NCKAP5: variants seen among roughly 807,000 people sequenced by gnomAD.
NCKAP5 encodes the protein NCK associated protein 5.
Under a neutral mutation model 167.0 loss-of-function variants are expected in NCKAP5, and 92 were observed. The observed-to-expected ratio is 0.55, with a 90% confidence interval of 0.47 to 0.66. The LOEUF is 0.66. Among genes scored for constraint, NCKAP5 ranks in the 30% least tolerant of loss-of-function variants. The pLI is 0.00. For synonymous variants in NCKAP5, 891 were observed against 877.4 expected, an observed-to-expected ratio of 1.02 and a Z score of -0.27; for missense variants, 2,378 against 2,315.0, an observed-to-expected ratio of 1.03 and a Z score of -0.56.
At position 132,878,925 on chromosome 2, in the gene NCKAP5, A is replaced by G. The variant is rs758470113; in HGVS notation, c.580-9T>C. 2.1e-5 allele frequency: 34 copies of G among 1,608,056 alleles called. No homozygotes were observed. The highest frequency in any genetic ancestry group is 2.9e-5 in the Non-Finnish European group (34 of 1,174,508). On this transcript the variant is annotated splice_polypyrimidine_tract_variant and intron_variant, in intron 8 of 19. Coordinates refer to ENST00000409261, the MANE Select transcript of NCKAP5 (RefSeq NM_207363.3). Reference sequence around the variant, plus strand: ...AACGCTGAATTCTCTGCCTGCAGTAAGATACAAAAATAACACAAATAAATC... The same window carrying G: ...AACGCTGAATTCTCTGCCTGCAGTAGGATACAAAAATAACACAAATAAATC...
intron 5 of NCKAP5, among the ~76,000 whole-genome samples, chr2:133,157,388 C>T (rs1421691253): frequency 6.6e-6 from 1 of 152,146 alleles, no homozygotes; most frequent in East Asian, 1.9e-4. Context: ...TGTGTTCCTA[C>T]CAGAGGGCAT....
At chr2:133,179,808 A>T (rs1433578164) in intron 5 of NCKAP5, among the ~76,000 whole-genome samples, 2 of 151,532 alleles carry the variant, frequency 1.3e-5, no homozygotes, top group Non-Finnish European at 3.0e-5. Context: ...GAGAAATTCA[A>T]CTGAAAAAAA....
intron 16 of NCKAP5, among the ~76,000 whole-genome samples, chr2:132,744,000 T>C (rs534736794): frequency 1.3e-5 from 2 of 151,914 alleles, no homozygotes; most frequent in South Asian, 4.1e-4. Flanking sequence ...ATTATAATCC[T>C]AAATATGTAT....
At position 133,050,541 on chromosome 2, in the gene NCKAP5, T is replaced by C. The variant is rs551915312; in HGVS notation, c.342-56302A>G. 4.5e-4 allele frequency among the ~76,000 whole-genome samples: 68 copies of C among 152,336 alleles called. 1 individual carries two copies. The highest frequency in any genetic ancestry group is 1.6e-3 in the African/African-American group (66 of 41,582). On this transcript the variant is annotated intron_variant, in intron 6 of 19. Transcript: ENST00000409261. ...CATGAAAAGATGATAACACACTTTGTACTAAATCTACTTGGGGAAGGAACA... is the reference window on the plus strand; with the variant it reads ...CATGAAAAGATGATAACACACTTTGCACTAAATCTACTTGGGGAAGGAACA...
rs188168129 is a variant in NCKAP5 at position 133,114,732 on chromosome 2, T to C, written c.341+15246A>G. ...TGAAAAAAACAGGTCATTTGTTCCG[T>C]AGAATTTCCCATAGTTTGGATTTTG... On this transcript the variant is annotated intron_variant, in intron 6 of 19. Transcript: ENST00000409261. 1.7e-4 allele frequency among the ~76,000 whole-genome samples: 26 copies of C among 152,320 alleles called. No homozygotes were observed. In the East Asian group the frequency reaches 3.3e-3, roughly 19 times the overall value.
Position 132,835,298 on chromosome 2 carries a change from G to A in NCKAP5, c.807+25194C>T, listed in dbSNP as rs150640826. On this transcript the variant is annotated intron_variant, in intron 11 of 19. Transcript: ENST00000409261. Reference sequence around the variant, plus strand: ...TCTCTTTTTTTGTTGTTGTCTTCTCGTCTGGTTTTGGTATCAGGATGATAC... The same window carrying A: ...TCTCTTTTTTTGTTGTTGTCTTCTCATCTGGTTTTGGTATCAGGATGATAC... Among the ~76,000 whole-genome samples the A allele has an allele frequency of 2.1e-3, 313 of 152,014 alleles. 1 individual carries two copies. The highest frequency in any genetic ancestry group is 6.8e-3 in the African/African-American group (281 of 41,458).
At chr2:133,035,001 T>C (rs1282864150) in intron 6 of NCKAP5, among the ~76,000 whole-genome samples, 1 of 151,994 alleles carries the variant, frequency 6.6e-6, no homozygotes, top group Non-Finnish European at 1.5e-5. Context: ...GACCCATTGA[T>C]CTGTTGCCCA....
In NCKAP5 at chr2:133,483,627, A is replaced by AGCG. The variant is rs1553651843; in HGVS notation, c.69+33830_69+33831insCGC. Among the ~76,000 whole-genome samples, 64 of 140,756 alleles carry AGCG rather than the reference A, an allele frequency of 4.5e-4. 1 individual carries two copies. Among genetic ancestry groups the AGCG allele is most frequent in the African/African-American group, 1.5e-3 (59 of 38,316 alleles). The allele number at this position is 140,756 out of a possible 152,430, so 92.3% of individuals were successfully genotyped here. Reference sequence around the variant, plus strand: ...CTTTGCTAATACTCTGCAAAAAAAAAGGGGGGGGGGCTTTTTCTCTCTTAA... The same window carrying AGCG: ...CTTTGCTAATACTCTGCAAAAAAAAAGCGGGGGGGGGGGCTTTTTCTCTCTTAA... On this transcript the variant is annotated intron_variant, in intron 3 of 19. Transcript: ENST00000409261.
At chr2:132,700,915 T>G in intron 19 of NCKAP5, among the ~76,000 whole-genome samples, 1 of 104,938 alleles carries the variant, frequency 9.5e-6, no homozygotes, top group Non-Finnish European at 1.8e-5. Context: ...TGCATGCTGG[T>G]TACAATCCCC....
intron 4 of NCKAP5, among the ~76,000 whole-genome samples, chr2:133,265,552 C>T (rs1354923438): frequency 1.3e-5 from 2 of 152,194 alleles, no homozygotes; most frequent in Admixed American, 1.3e-4. Context: ...AGTTTGGGGG[C>T]TGAGCTTTAG....
At chr2:132,875,558 T>C (rs535990611) in intron 9 of NCKAP5, among the ~76,000 whole-genome samples, 1 of 152,358 alleles carries the variant, frequency 6.6e-6, no homozygotes, top group Non-Finnish European at 1.5e-5. Context: ...GTTTGCAGGA[T>C]ACAACGGAAT....
At position 133,014,783 on chromosome 2, in the gene NCKAP5, C is replaced by A. The variant is rs568352225; in HGVS notation, c.342-20544G>T. On this transcript the variant is annotated intron_variant, in intron 6 of 19. Transcript: ENST00000409261. ...AATGGCGGTTTTATAGAGACTACTG[C>A]TTGAAATCAGTGGATCATGAGATGA... Among the ~76,000 whole-genome samples the A allele has an allele frequency of 1.1e-4, 17 of 152,280 alleles. No homozygotes were observed. The South Asian group carries it at 1.5e-3, about 13-fold the overall frequency.
chr2:133,149,178 C>T (rs2083299047), intron 5 of NCKAP5, among the ~76,000 whole-genome samples: 1 of 152,118 alleles, frequency 6.6e-6, no homozygotes, highest in Admixed American at 6.5e-5. Context: ...AGACACCTTA[C>T]CTGTCACATA....
At chr2:132,715,598 A>G (rs1689291625) in intron 19 of NCKAP5, among the ~76,000 whole-genome samples, 1 of 152,204 alleles carries the variant, frequency 6.6e-6, no homozygotes, top group Non-Finnish European at 1.5e-5. Flanking sequence ...GTTCTCTAAG[A>G]GAGACAGAGC....
At chr2:132,959,666 G>A (rs1322019126) in intron 8 of NCKAP5, among the ~76,000 whole-genome samples, 2 of 152,192 alleles carry the variant, frequency 1.3e-5, no homozygotes, top group Non-Finnish European at 2.9e-5. Context: ...AGGGAACAGG[G>A]AAGACTCCAG....
At chr2:133,417,385 C>T (rs965501553) in intron 3 of NCKAP5, among the ~76,000 whole-genome samples, 5 of 152,182 alleles carry the variant, frequency 3.3e-5, no homozygotes, top group African/African-American at 1.2e-4. Flanking sequence ...TAGGTGAGCC[C>T]ACAGCACTCC....
At chr2:133,557,467 G>A (rs1270433616) in intron 2 of NCKAP5, among the ~76,000 whole-genome samples, 1 of 152,100 alleles carries the variant, frequency 6.6e-6, no homozygotes, top group Non-Finnish European at 1.5e-5. Context: ...GGTTTTCTAT[G>A]TATAAAAAGA....
At chr2:133,046,934 G>A (rs530231294) in intron 6 of NCKAP5, among the ~76,000 whole-genome samples, 37 of 149,572 alleles carry the variant, frequency 2.5e-4, no homozygotes, top group African/African-American at 8.5e-4. Flanking sequence ...CTTTCCTGTC[G>A]TTGGTTCTAT....
chr2:133,487,045 C>G lies in NCKAP5; in HGVS notation c.69+30413G>C, dbSNP rs536494220. ...TGCCCAGCCCTGTGTCTTTGAAAGACTGGCTCAAAAATAGCCCGGACATTT... is the reference window on the plus strand; with the variant it reads ...TGCCCAGCCCTGTGTCTTTGAAAGAGTGGCTCAAAAATAGCCCGGACATTT... On this transcript the variant is annotated intron_variant, in intron 3 of 19. Coordinates refer to ENST00000409261, the MANE Select transcript of NCKAP5 (RefSeq NM_207363.3). Among the ~76,000 whole-genome samples, 21 of 152,292 alleles carry G rather than the reference C, an allele frequency of 1.4e-4. No individual in the cohort carries two copies. The East Asian group carries it at 4.0e-3, about 29-fold the overall frequency.
Sources: gnomAD v4.1 joint callset for allele counts (sites outside exome capture counted in the v4.1 genomes callset) on GRCh38, gnomAD v4.1.1 for gene constraint, MANE v1.5 for transcripts, NCBI Gene and HGNC (gene_info 2026-07-23, HGNC 2026-07-21) for gene names.